Variants in ANKRD11 observed in about 807,000 individuals in gnomAD.
ANKRD11 encodes ankyrin repeat domain-containing protein 11.
A neutral mutation model predicts 195.7 loss-of-function variants in ANKRD11; 17 were observed. That is an observed-to-expected ratio of 0.09 (90% CI 0.06 to 0.13). The LOEUF (loss-of-function observed/expected upper bound fraction) is 0.13, where lower values mean the gene tolerates loss of function less well. Among genes scored for constraint, ANKRD11 ranks in the 10% least tolerant of loss-of-function variants. The pLI is 1.00. For synonymous variants in ANKRD11, 1,953 were observed against 1,528.1 expected, an observed-to-expected ratio of 1.28 and a Z score of -6.49; for missense variants, 3,735 against 3,566.1, an observed-to-expected ratio of 1.05 and a Z score of -1.21.
intron 3 of ANKRD11, among the ~76,000 whole-genome samples, chr16:89,310,771 T>C (rs2036565576): frequency 6.6e-6 from 1 of 152,254 alleles, no homozygotes; most frequent in African/African-American, 2.4e-5. Flanking sequence ...CACTTCTGCA[T>C]AATGGGTTTG....
intron 2 of ANKRD11, among the ~76,000 whole-genome samples, chr16:89,389,506 C>T (rs1441504863): frequency 6.6e-6 from 1 of 152,144 alleles, no homozygotes; most frequent in African/African-American, 2.4e-5. Flanking sequence ...AACTCAGTTC[C>T]TCCCCACGGT....
chr16:89,460,705 C>A (rs1187660769), intron 1 of ANKRD11, among the ~76,000 whole-genome samples: 2 of 152,134 alleles, frequency 1.3e-5, no homozygotes, highest in African/African-American at 4.8e-5. Flanking sequence ...CCACTGCACT[C>A]CAGCCCGAGC....
intron 2 of ANKRD11, among the ~76,000 whole-genome samples, chr16:89,322,054 TG>T (rs1279185422): frequency 2.0e-5 from 3 of 152,360 alleles, no homozygotes; most frequent in African/African-American, 7.2e-5. Flanking sequence ...TGTGTGTGAC[TG>T]GCTTTATGTG....
chr16:89,409,488 G>A (rs1386244306), intron 2 of ANKRD11, among the ~76,000 whole-genome samples: 1 of 152,172 alleles, frequency 6.6e-6, no homozygotes, highest in Non-Finnish European at 1.5e-5. Flanking sequence ...ATACAGGTGT[G>A]AGGGAGATGA....
chr16:89,338,501 G>A (rs982534598), intron 2 of ANKRD11, among the ~76,000 whole-genome samples: 3 of 151,374 alleles, frequency 2.0e-5, no homozygotes, highest in Non-Finnish European at 2.9e-5. Flanking sequence ...AGGCCGAGGC[G>A]GGCAATCACC....
At chr16:89,470,001 G>A (rs1369723915) in intron 1 of ANKRD11, among the ~76,000 whole-genome samples, 1 of 149,958 alleles carries the variant, frequency 6.7e-6, no homozygotes, top group African/African-American at 2.4e-5. Flanking sequence ...CACTTCCCGG[G>A]TTCACGCCAC....
intron 2 of ANKRD11, among the ~76,000 whole-genome samples, chr16:89,342,570 C>T (rs528347882): frequency 6.6e-6 from 1 of 152,332 alleles, no homozygotes; most frequent in Admixed American, 6.5e-5. Context: ...GCAGGATATG[C>T]CTTTTCCTTA....
intron 2 of ANKRD11, among the ~76,000 whole-genome samples, chr16:89,338,116 G>A (rs9931429): frequency 2.0e-5 from 3 of 152,118 alleles, no homozygotes; most frequent in Non-Finnish European, 2.9e-5. Context: ...ATCCCAGGAC[G>A]CCGCCCGTCA....
chr16:89,444,460 G>A (rs892975900), intron 1 of ANKRD11, among the ~76,000 whole-genome samples: 3 of 151,922 alleles, frequency 2.0e-5, no homozygotes, highest in East Asian at 3.9e-4. Context: ...GGGGCGGTCG[G>A]GGGGGTGGAG....
intron 11 of ANKRD11, 185 bp downstream of exon 11, chr16:89,274,629 C>A: frequency 2.3e-6 from 2 of 870,386 alleles, no homozygotes; most frequent in Non-Finnish European, 1.8e-6. Flanking sequence ...CTGTCTGCTG[C>A]AGCCTTCTTG....
At chr16:89,418,910 C>T (rs1398064319) in intron 1 of ANKRD11, among the ~76,000 whole-genome samples, 3 of 151,976 alleles carry the variant, frequency 2.0e-5, no homozygotes, top group African/African-American at 7.2e-5. Flanking sequence ...GATGGGATTA[C>T]AGGCGCTCGC....
In ANKRD11 at chr16:89,282,713, C is replaced by T. The variant is rs780531133; in HGVS notation, c.3829G>A (p.Glu1277Lys). The T allele has an allele frequency of 6.2e-7, 1 of 1,613,968 alleles. No individual in the cohort carries two copies. ...ERKSSRSADA[E>K]KSLLEKLEEE... ...TCCAACTTTTCAAGCAGGCTTTTTTCCGCGTCGGCACTTCTCGAGGACTTC... is the reference window on the plus strand; with the variant it reads ...TCCAACTTTTCAAGCAGGCTTTTTTTCGCGTCGGCACTTCTCGAGGACTTC... Residue 1277 changes from glutamate (E) to lysine (K), a missense_variant, in exon 9 of 13, where the codon GAA (glutamate) becomes AAA (lysine). Glu to Lys is a moderately conservative substitution (Grantham distance 56). Transcript: ENST00000301030.
chr16:89,316,445 C>G (rs545917354), intron 3 of ANKRD11, among the ~76,000 whole-genome samples: 1 of 152,176 alleles, frequency 6.6e-6, no homozygotes, highest in African/African-American at 2.4e-5. Context: ...CATCACCCCC[C>G]ACACTGCAAG....
At chr16:89,392,916 C>T (rs2068917510) in intron 2 of ANKRD11, among the ~76,000 whole-genome samples, 1 of 151,960 alleles carries the variant, frequency 6.6e-6, no homozygotes. Flanking sequence ...ACCTTGGGAC[C>T]TGCCTGCATC....
At position 89,290,832 on chromosome 16, in the gene ANKRD11, C is replaced by A. The variant is rs773887615; in HGVS notation, c.398-4G>T. Reference sequence around the variant, plus strand: ...GGGTGCTTTGGTGTTGTGTCCACTGCAGGCCAAGGAGGGGACAGATGGGCA... The same window carrying A: ...GGGTGCTTTGGTGTTGTGTCCACTGAAGGCCAAGGAGGGGACAGATGGGCA... On this transcript the variant is annotated splice_polypyrimidine_tract_variant and splice_region_variant and intron_variant, in intron 5 of 12. Coordinates refer to ENST00000301030, the MANE Select transcript of ANKRD11 (RefSeq NM_013275.6). The A allele has an allele frequency of 1.9e-6, 3 of 1,613,460 alleles. No individual in the cohort carries two copies. Among genetic ancestry groups the A allele is most frequent in the Non-Finnish European group, 8.5e-7 (1 of 1,179,996 alleles).
intron 1 of ANKRD11, among the ~76,000 whole-genome samples, chr16:89,489,604 G>C (rs939561298): frequency 6.6e-6 from 1 of 151,816 alleles, no homozygotes; most frequent in African/African-American, 2.4e-5. Context: ...TAACAACTAC[G>C]ACCAGCACGG....
chr16:89,469,742 C>CA (rs1310558868), intron 1 of ANKRD11, among the ~76,000 whole-genome samples: 6 of 148,454 alleles, frequency 4.0e-5, no homozygotes, highest in South Asian at 2.2e-4. Context: ...ACTAAAAATG[C>CA]AAAAAAAATA....
chr16:89,281,244 C>G lies in ANKRD11; in HGVS notation c.5298G>C (p.Val1766=). The G allele has an allele frequency of 6.2e-7, 1 of 1,614,210 alleles. No homozygotes were observed. Among genetic ancestry groups the G allele is most frequent in the Non-Finnish European group, 8.5e-7 (1 of 1,180,044 alleles). ...CSPSFFDRFS[V]ASSGLSENAS... is the part of the protein sequence containing the mutation. Reference sequence around the variant, plus strand: ...CGTTTTCCGAAAGCCCACTTGAAGCCACGGAGAACCTGTCGAAAAAGGAGG... The same window carrying G: ...CGTTTTCCGAAAGCCCACTTGAAGCGACGGAGAACCTGTCGAAAAAGGAGG... The change falls in exon 9 of 13, where the codon GTG becomes GTC. Residue 1766 remains valine (V), a synonymous_variant. Transcript: ENST00000301030. The surrounding 1 kb of genome is among the most constrained non-coding windows in gnomAD (Gnocchi z 5.5).
chr16:89,378,142 C>G (rs1400420725), intron 2 of ANKRD11, among the ~76,000 whole-genome samples: 2 of 152,106 alleles, frequency 1.3e-5, no homozygotes, highest in African/African-American at 4.8e-5. Context: ...TTGAGCCCAG[C>G]AGTTTGAGAC....
Sources: gnomAD v4.1 joint callset for allele counts (sites outside exome capture counted in the v4.1 genomes callset) on GRCh38, gnomAD v4.1.1 for gene constraint, Gnocchi (gnomAD v3.1) non-coding constraint, MANE v1.5 for transcripts, NCBI Gene and HGNC (gene_info 2026-07-23, HGNC 2026-07-21) for gene names.